The following RIMBP2 variants were observed in gnomAD, a reference collection of about 807,000 sequenced individuals.
The protein encoded by RIMBP2 is RIMS binding protein 2, also known as RIMS-binding protein 2.
RIMBP2 carries 48 observed loss-of-function variants against 118.6 expected under a neutral mutation model. The observed-to-expected ratio is 0.40, with a 90% CI of 0.32 to 0.51. The LOEUF is 0.51. RIMBP2 is among the 20% of genes least tolerant of loss of function. The pLI, the probability that RIMBP2 is intolerant of heterozygous loss-of-function variation, is 0.41. For missense variants in RIMBP2, 1,551 were observed against 1,768.3 expected (o/e 0.88, Z 2.20); for synonymous variants, 762 against 742.9 (o/e 1.03, Z -0.42).
At chr12:130,608,052 T>A (rs1341704448) in intron 2 of RIMBP2, among the ~76,000 whole-genome samples, 3 of 152,210 alleles carry the variant, frequency 2.0e-5, no homozygotes, top group Non-Finnish European at 4.4e-5. Context: ...ATTTTTTTCC[T>A]TGATTCACTC....
At chr12:130,606,669 C>T (rs934966707) in intron 2 of RIMBP2, among the ~76,000 whole-genome samples, 14 of 152,156 alleles carry the variant, frequency 9.2e-5, no homozygotes, top group Admixed American at 7.9e-4. Context: ...TTGGAGCAAG[C>T]GGTAGAGATC....
At chr12:130,673,033 C>G (rs1030907166) in intron 1 of RIMBP2, among the ~76,000 whole-genome samples, 3 of 55,404 alleles carry the variant, frequency 5.4e-5, no homozygotes, top group African/African-American at 1.3e-4. Context: ...AAAGAACAGT[C>G]TGTCTCAGAA....
At chr12:130,646,370 A>T (rs61934864) in intron 1 of RIMBP2, among the ~76,000 whole-genome samples, 2,186 of 37,668 alleles carry the variant, frequency 0.058, 661 homozygotes, top group Middle Eastern at 0.078. Context: ...CACCTCCCTC[A>T]CCACCTCCCT....
At chr12:130,458,332 A>T (rs2137551587) in intron 6 of RIMBP2, among the ~76,000 whole-genome samples, 1 of 152,308 alleles carries the variant, frequency 6.6e-6, no homozygotes, top group Non-Finnish European at 1.5e-5. Flanking sequence ...ATAGAGCTAA[A>T]AACCCAGGGG....
intron 2 of RIMBP2, among the ~76,000 whole-genome samples, chr12:130,572,962 G>C (rs2057798105): frequency 6.6e-6 from 1 of 152,072 alleles, no homozygotes; most frequent in African/African-American, 2.4e-5. Flanking sequence ...TCCCCCCGGG[G>C]GGACAGAGCT....
rs189956545 is a variant in RIMBP2 at position 130,497,140 on chromosome 12, G to C, written c.-4+9508C>G. Among the ~76,000 whole-genome samples the C allele has an allele frequency of 2.0e-5, 3 of 152,202 alleles. No individual in the cohort carries two copies. In the East Asian group the frequency reaches 5.8e-4, roughly 29 times the overall value. On this transcript the variant is annotated intron_variant, in intron 4 of 22. Transcript: ENST00000690449. ...AACTCCCCTCTCCTTTCTTTCCAAA[G>C]CCTGTCACTGAACGAGGGCCCTCCC...
At chr12:130,412,501 C>T (rs1259992439) in intron 19 of RIMBP2, 118 bp downstream of exon 19, 2 of 956,732 alleles carry the variant, frequency 2.1e-6, no homozygotes, top group Non-Finnish European at 3.2e-6. Context: ...ATTTACATGA[C>T]TTTGGCATAT....
At chr12:130,571,774 C>A (rs1480535850) in intron 2 of RIMBP2, among the ~76,000 whole-genome samples, 1 of 152,122 alleles carries the variant, frequency 6.6e-6, no homozygotes, top group African/African-American at 2.4e-5. Flanking sequence ...GTATCTGGCC[C>A]CCATGGCCTC....
At chr12:130,644,265 T>C (rs1405543310) in intron 1 of RIMBP2, among the ~76,000 whole-genome samples, 2 of 151,966 alleles carry the variant, frequency 1.3e-5, no homozygotes, top group Non-Finnish European at 2.9e-5. Context: ...GCAGAGAGGG[T>C]GCTGTGAGGA....
chr12:130,644,110 C>T (rs1030927167), intron 1 of RIMBP2, among the ~76,000 whole-genome samples: 10 of 152,192 alleles, frequency 6.6e-5, no homozygotes, highest in South Asian at 2.1e-4. Context: ...TGAAGGATTC[C>T]GCTCTCACTG....
rs1348175381 is a variant in RIMBP2 at position 130,578,518 on chromosome 12, C to A, written c.-217+49804G>T. Among the ~76,000 whole-genome samples, 1 of 152,254 alleles carries A rather than the reference C, an allele frequency of 6.6e-6. No homozygotes were observed. The highest frequency in any genetic ancestry group is 1.5e-5 in the Non-Finnish European group (1 of 68,044). On this transcript the variant is annotated intron_variant, in intron 2 of 22. Coordinates refer to ENST00000690449, the MANE Select transcript of RIMBP2 (RefSeq NM_001393629.1). The surrounding 1 kb of genome is among the most constrained non-coding windows in gnomAD (Gnocchi z 4.1). The stretch of plus-strand genomic sequence containing the variant: ...ATGCACAGACCTGTTCTCCTGGCCC[C>A]AGTCGTACATGCCTGTGTTCTGTTT...
At chr12:130,692,850 A>G (rs4991523) in intron 1 of RIMBP2, among the ~76,000 whole-genome samples, 610 of 80,914 alleles carry the variant, frequency 7.5e-3, no homozygotes, top group Non-Finnish European at 0.012. Flanking sequence ...ATGGGATGGG[A>G]TAGGGTAGGG....
At chr12:130,415,608 A>C (rs987648482) in intron 17 of RIMBP2, among the ~76,000 whole-genome samples, 4 of 151,842 alleles carry the variant, frequency 2.6e-5, no homozygotes, top group African/African-American at 7.2e-5. Context: ...AAGTCAAATT[A>C]TCTCTCTTCA....
At chr12:130,430,233 G>A (rs1378401302) in intron 14 of RIMBP2, 3 of 152,264 alleles carry the variant, frequency 2.0e-5, no homozygotes, top group Non-Finnish European at 1.5e-5. Context: ...CACTCTACTT[G>A]GTGGGTGCCT....
rs1020605203 is a variant in RIMBP2 at position 130,450,636 on chromosome 12, C to G, written c.505-360G>C. Among the ~76,000 whole-genome samples the G allele has an allele frequency of 1.5e-5, 1 of 67,640 alleles. No individual in the cohort carries two copies. The highest frequency in any genetic ancestry group is 1.6e-4 in the Admixed American group (1 of 6,290). 44.4% of individuals were successfully genotyped at this position (67,640 alleles called of 152,430 possible). ...GTAAAATTAAGCAGTATGTGCACGA[C>G]CCCCCAGTGATCCCACTCTCACTCC... On this transcript the variant is annotated intron_variant, in intron 8 of 22. Coordinates refer to ENST00000690449, the MANE Select transcript of RIMBP2 (RefSeq NM_001393629.1). This position sits in a 1 kb window ranked among gnomAD's most constrained non-coding sequence, Gnocchi z 4.8.
At position 130,424,921 on chromosome 12, in the gene RIMBP2, GC is replaced by G; in HGVS notation, c.2413-64del. On this transcript the variant is annotated intron_variant, in intron 15 of 22. Coordinates refer to ENST00000690449, the MANE Select transcript of RIMBP2 (RefSeq NM_001393629.1). This position sits in a 1 kb window ranked among gnomAD's most constrained non-coding sequence, Gnocchi z 9.8. ...AGTGTGTGGTCAGCATGAAGTGGGG[GC>G]CAGGGGAGGAAAGAAAATACAGACA... 2.0e-6 allele frequency: 2 copies of G among 995,138 alleles called. No individual in the cohort carries two copies. The highest frequency in any genetic ancestry group is 2.6e-6 in the Non-Finnish European group (2 of 771,774). The allele number at this position is 995,138 out of a possible 1,614,324, so 61.6% of individuals were successfully genotyped here.
At chr12:130,637,750 T>C (rs1397481217) in intron 1 of RIMBP2, among the ~76,000 whole-genome samples, 1 of 152,182 alleles carries the variant, frequency 6.6e-6, no homozygotes, top group Non-Finnish European at 1.5e-5. Flanking sequence ...CAATGTCCTC[T>C]TTCCTATTTG....
chr12:130,583,088 T>A (rs117568942), intron 2 of RIMBP2, among the ~76,000 whole-genome samples: 1 of 152,156 alleles, frequency 6.6e-6, no homozygotes, highest in South Asian at 2.1e-4. Context: ...ATGTTAAATA[T>A]CAAATGCCAC....
intron 1 of RIMBP2, among the ~76,000 whole-genome samples, chr12:130,695,938 T>C (rs2065547903): frequency 1.3e-5 from 2 of 151,918 alleles, no homozygotes; most frequent in South Asian, 4.2e-4. Context: ...TACGTTGCCA[T>C]TTACAAAAAT....
Sources: gnomAD v4.1 joint callset for allele counts (sites outside exome capture counted in the v4.1 genomes callset) on GRCh38, gnomAD v4.1.1 for gene constraint, Gnocchi (gnomAD v3.1) non-coding constraint, MANE v1.5 for transcripts, NCBI Gene and HGNC (gene_info 2026-07-23, HGNC 2026-07-21) for gene names.